DYNC2I1: variants seen among roughly 807,000 people sequenced by gnomAD.
DYNC2I1 encodes dynein 2 intermediate chain 1, also known as cytoplasmic dynein 2 intermediate chain 1.
A neutral mutation model predicts 133.4 loss-of-function variants in DYNC2I1; 89 were observed. The ratio of observed to expected loss-of-function variants is 0.67; its 90% CI spans 0.56 to 0.80. The LOEUF (loss-of-function observed/expected upper bound fraction) is 0.80. Ranked by LOEUF, DYNC2I1 falls within the 30% of genes least tolerant of loss-of-function variation. DYNC2I1 has a pLI of 0.00. For synonymous variants in DYNC2I1, 504 were observed against 484.3 expected (o/e 1.04, Z -0.54); for missense variants, 1,291 against 1,314.5 (o/e 0.98, Z 0.28).
At chr7:158,876,325 G>A (rs1308609205) in intron 3 of DYNC2I1, among the ~76,000 whole-genome samples, 1 of 152,094 alleles carries the variant, frequency 6.6e-6, no homozygotes, top group African/African-American at 2.4e-5. Flanking sequence ...CTCCCACCAG[G>A]TCCCACCTTC....
At chr7:158,905,144 T>TTC (rs1563142471) in intron 10 of DYNC2I1, 1 of 358,992 alleles carries the variant, frequency 2.8e-6, no homozygotes, top group African/African-American at 2.2e-5. Context: ...CTTTTTCTTT[T>TTC]TTTTTTTTTT....
intron 14 of DYNC2I1, 113 bp from the exon 15 acceptor site, chr7:158,918,627 A>G: frequency 3.2e-6 from 4 of 1,235,512 alleles, no homozygotes; most frequent in Non-Finnish European, 4.6e-6. Flanking sequence ...TGATAGCGTC[A>G]TGGATCTAAG....
intron 7 of DYNC2I1, among the ~76,000 whole-genome samples, chr7:158,888,719 T>C (rs1344470310): frequency 5.3e-5 from 8 of 149,856 alleles, no homozygotes; most frequent in Admixed American, 4.6e-4. Flanking sequence ...ATCCACCTGC[T>C]TTGGCCTCCC....
chr7:158,882,577 TGTCTTAAAAAAGAGACC>T (rs907971729), intron 5 of DYNC2I1, among the ~76,000 whole-genome samples: 1 of 151,884 alleles, frequency 6.6e-6, no homozygotes, highest in African/African-American at 2.4e-5. Context: ...AGTAAGACCT[TGTCTTAAAAAAGAGACC>T]AGGCATGGTG....
At chr7:158,885,081 C>T (rs1844459593) in intron 6 of DYNC2I1, among the ~76,000 whole-genome samples, 1 of 152,122 alleles carries the variant, frequency 6.6e-6, no homozygotes, top group African/African-American at 2.4e-5. Context: ...CCTGAGCAAA[C>T]CATTCTGGTT....
rs562173446 is a variant in DYNC2I1 at position 158,911,595 on chromosome 7, A to G, written c.1506A>G (p.Ser502=). 1 of 1,613,700 alleles carries G rather than the reference A, an allele frequency of 6.2e-7. No individual in the cohort carries two copies. Among genetic ancestry groups the G allele is most frequent in the South Asian group, 1.1e-5 (1 of 91,020 alleles). Residue 502 remains serine, a synonymous_variant, in exon 12 of 25, where the codon TCA becomes TCG. Coordinates refer to ENST00000407559, the MANE Select transcript of DYNC2I1 (RefSeq NM_018051.5). ...KLLRLIDLDF[S]FTFSLLDLPP... ...TTCGGCTCATTGACTTAGATTTTTCATTTACTTTCTCTCTCTTGGATCTAC... is the reference window on the plus strand; with the variant it reads ...TTCGGCTCATTGACTTAGATTTTTCGTTTACTTTCTCTCTCTTGGATCTAC...
intron 7 of DYNC2I1, among the ~76,000 whole-genome samples, chr7:158,887,328 A>C (rs1563114542): frequency 6.6e-6 from 1 of 152,248 alleles, no homozygotes; most frequent in East Asian, 1.9e-4. Context: ...TGGCTACACT[A>C]GTATCAGATA....
At chr7:158,941,856 G>T in intron 23 of DYNC2I1, 69 bp from the exon 24 acceptor site, 1 of 1,520,930 alleles carries the variant, frequency 6.6e-7, no homozygotes, top group South Asian at 1.2e-5. Flanking sequence ...CAGGCTGGGT[G>T]ACAGAGTGAG....
chr7:158,874,456 A>G (rs1189204120), intron 3 of DYNC2I1, among the ~76,000 whole-genome samples: 1 of 152,068 alleles, frequency 6.6e-6, no homozygotes, highest in Non-Finnish European at 1.5e-5. Flanking sequence ...TTTGGTATTT[A>G]TTTGCAATCA....
At chr7:158,953,122 C>A (rs12671070) in intron 4 of DYNC2I1, among the ~76,000 whole-genome samples, 1 of 150,938 alleles carries the variant, frequency 6.6e-6, no homozygotes, top group Non-Finnish European at 1.5e-5. Context: ...CTACCCTCCT[C>A]GCCCACCTCT....
chr7:158,914,274 A>G lies in DYNC2I1; in HGVS notation c.1744A>G (p.Lys582Glu), dbSNP rs1382996847. The G allele has an allele frequency of 1.4e-5, 23 of 1,613,016 alleles. No individual in the cohort carries two copies. In the East Asian group the frequency reaches 4.9e-4, roughly 34 times the overall value. ...TACCTCTGATGCTGTAGTTATGCCA[A>G]AGATTGATACTCCAAGGTTATGTAG... is the stretch of plus-strand genomic sequence containing the variant. ...RDTSDAVVMP[K>E]IDTPRLCSFL... Residue 582 changes from lysine to glutamate, a missense_variant, in exon 14 of 25, where the codon AAG becomes GAG. Transcript: ENST00000407559.
rs3815214 is a variant in DYNC2I1, at chr7:158,926,562, G to A, written c.2433+99G>A. ...CGCAGGGGGCGGGACCCAGTTAGCTGTGGTGGGAAACGGAGAGCAAGACTG... is the reference window on the plus strand; with the variant it reads ...CGCAGGGGGCGGGACCCAGTTAGCTATGGTGGGAAACGGAGAGCAAGACTG... On this transcript the variant is annotated intron_variant, in intron 19 of 24. Transcript: ENST00000407559. 242,696 of 1,327,834 alleles carry A rather than the reference G, an allele frequency of 0.18. 33,241 individuals carry two copies. The highest frequency in any genetic ancestry group is 0.59 in the African/African-American group (39,983 of 67,516). 82.3% of individuals were successfully genotyped at this position (1,327,834 alleles called of 1,614,324 possible).
intron 11 of DYNC2I1, among the ~76,000 whole-genome samples, chr7:158,909,644 A>C (rs1375050608): frequency 6.6e-6 from 1 of 152,176 alleles, no homozygotes; most frequent in Admixed American, 6.5e-5. Context: ...ACTCCAGCTG[A>C]TTGAATATAC....
intron 23 of DYNC2I1, among the ~76,000 whole-genome samples, chr7:158,938,482 G>A (rs988193443): frequency 6.6e-6 from 1 of 152,202 alleles, no homozygotes; most frequent in African/African-American, 2.4e-5. Flanking sequence ...GGGAGGCTGG[G>A]CATGGTGGCT....
At position 158,867,755 on chromosome 7, in the gene DYNC2I1, G is replaced by A. The variant is rs373758386; in HGVS notation, c.16-2100G>A. 1.6e-4 allele frequency among the ~76,000 whole-genome samples: 25 copies of A among 152,142 alleles called. No homozygotes were observed. In the East Asian group the frequency reaches 3.1e-3, roughly 19 times the overall value. On this transcript the variant is annotated intron_variant, in intron 1 of 24. Coordinates refer to ENST00000407559, the MANE Select transcript of DYNC2I1 (RefSeq NM_018051.5). ...GTGCCGGCCTCTCCTGGGCCTCCCC[G>A]GGAGTGCTTGGGCATCCTTGTGCTA...
chr7:158,911,645 A>G lies in DYNC2I1; in HGVS notation c.1556A>G (p.Tyr519Cys), dbSNP rs755132844. ...DLPPVNEYDMYIRNFGKKNTK... is the reference protein window; with the variant it reads ...DLPPVNEYDMCIRNFGKKNTK... ...CCACCAGTAAATGAATATGACATGT[A>G]TATCAGAAACTTTGGGAAAAAAAAT... Residue 519 changes from tyrosine to cysteine, a missense_variant, in exon 12 of 25, where the codon TAT becomes TGT. Transcript: ENST00000407559. 3 of 1,611,806 alleles carry G rather than the reference A, an allele frequency of 1.9e-6. No homozygotes were observed. The highest frequency in any genetic ancestry group is 1.1e-5 in the South Asian group (1 of 90,224).
In DYNC2I1 at chr7:158,899,016, C is replaced by T. The variant is rs548864625; in HGVS notation, c.1060-2723C>T. Among the ~76,000 whole-genome samples the T allele has an allele frequency of 4.6e-5, 7 of 152,162 alleles. No individual in the cohort carries two copies. In the South Asian group the frequency reaches 1.0e-3, roughly 23 times the overall value. ...GTATAAGCAGACATAAGCATGTTAT[C>T]CCTTGGTATTGGAACAGGATTGGTT... is the stretch of plus-strand genomic sequence containing the variant. On this transcript the variant is annotated intron_variant, in intron 8 of 24. Coordinates refer to ENST00000407559, the MANE Select transcript of DYNC2I1 (RefSeq NM_018051.5).
chr7:158,922,730 T>G (rs1489393296), intron 16 of DYNC2I1, among the ~76,000 whole-genome samples, 181 bp downstream of exon 16: 1 of 152,086 alleles, frequency 6.6e-6, no homozygotes, highest in Non-Finnish European at 1.5e-5. Flanking sequence ...GCGAGACACA[T>G]GGGTGTGCTT....
intron 14 of DYNC2I1, 104 bp downstream of exon 14, chr7:158,914,425 G>T: frequency 2.4e-6 from 2 of 835,880 alleles, no homozygotes; most frequent in Non-Finnish European, 1.8e-6. Context: ...TTGTAGCTTG[G>T]ATAAATCAGA....
Sources: gnomAD v4.1 joint callset for allele counts (sites outside exome capture counted in the v4.1 genomes callset) on GRCh38, gnomAD v4.1.1 for gene constraint, MANE v1.5 for transcripts, NCBI Gene and HGNC (gene_info 2026-07-23, HGNC 2026-07-21) for gene names.